CA13: variants seen among roughly 807,000 people sequenced by gnomAD.
CA13 encodes the protein carbonic anhydrase 13, also known as CA-XIII.
CA13 carries 21 observed loss-of-function variants against 31.5 expected under a neutral mutation model. The observed-to-expected ratio is 0.67, with a 90% CI of 0.47 to 0.96. The LOEUF (loss-of-function observed/expected upper bound fraction) is 0.96. Among genes scored for constraint, CA13 ranks in the 40% least tolerant of loss-of-function variants. The pLI, the probability that CA13 is intolerant of heterozygous loss-of-function variation, is 0.00. For synonymous variants in CA13, 117 were observed against 111.4 expected (o/e 1.05, Z -0.32); for missense variants, 315 against 318.9 (o/e 0.99, Z 0.09).
chr8:85,247,893 T>C (rs374627630), intron 1 of CA13, among the ~76,000 whole-genome samples: 150 of 118,094 alleles, frequency 1.3e-3, no homozygotes, highest in Middle Eastern at 3.7e-3. Context: ...TTTTTTGTTT[T>C]TTTTTTTTTT....
chr8:85,281,255 G>A lies in CA13; in HGVS notation c.695G>A (p.Cys232Tyr), dbSNP rs780384143. The A allele has an allele frequency of 4.3e-6, 7 of 1,614,000 alleles. No homozygotes were observed. The South Asian group carries it at 6.6e-5, about 15-fold the overall frequency. Residue 232 changes from cysteine to tyrosine, a missense_variant, in exon 7 of 7, where the codon TGC becomes TAC. Transcript: ENST00000321764. The stretch of plus-strand genomic sequence containing the variant: ...CTGGCCAAATTTCGCAGTCTCCTGT[G>A]CACAGCGGAGGGTGAAGCAGCAGCT... ...QQLAKFRSLL[C>Y]TAEGEAAAFL...
At position 85,245,720 on chromosome 8, in the gene CA13, C is replaced by T; in HGVS notation, c.-109C>T. ...GTTCACGGTCTCGCACTCCTGCCGC[C>T]GGCGCCCCGCGGTCCCGCCCTAGCA... is the stretch of plus-strand genomic sequence containing the variant. On this transcript the variant is annotated 5_prime_UTR_variant, in exon 1 of 7. Transcript: ENST00000321764. 1.5e-6 allele frequency: 2 copies of T among 1,294,938 alleles called. No homozygotes were observed. The highest frequency in any genetic ancestry group is 2.2e-6 in the Non-Finnish European group (2 of 900,264). 80.2% of individuals were successfully genotyped at this position (1,294,938 alleles called of 1,614,324 possible). A position where few individuals can be genotyped will look rare whatever the true frequency, so the allele number is the denominator to read the frequency against.
At chr8:85,273,649 C>T (rs1035654889) in intron 6 of CA13, among the ~76,000 whole-genome samples, 8 of 151,920 alleles carry the variant, frequency 5.3e-5, no homozygotes, top group Non-Finnish European at 1.2e-4. Flanking sequence ...GGAGGCCATC[C>T]GGGTACTATG....
At chr8:85,277,013 G>A (rs1216919745) in intron 6 of CA13, among the ~76,000 whole-genome samples, 2 of 152,144 alleles carry the variant, frequency 1.3e-5, no homozygotes, top group Non-Finnish European at 2.9e-5. Flanking sequence ...TCTAGCTCAG[G>A]GATTGTAAAC....
chr8:85,252,398 T>A (rs1302193205), intron 2 of CA13, among the ~76,000 whole-genome samples: 2 of 151,360 alleles, frequency 1.3e-5, no homozygotes, highest in African/African-American at 4.9e-5. Flanking sequence ...AAAATAAATA[T>A]ATGAAACTTT....
chr8:85,266,567 C>CT, intron 3 of CA13, 41 bp from the exon 4 acceptor site: 2 of 1,471,680 alleles, frequency 1.4e-6, no homozygotes, highest in Non-Finnish European at 1.9e-6. Context: ...TTCAGGATGT[C>CT]TAACAAAACA....
Position 85,281,515 on chromosome 8 carries a change from T to A in CA13, c.*166T>A. Reference sequence around the variant, plus strand: ...AGAAAACCAGATCTCTCTCTCTTTTTTTTTTATTTTTTTTAGTGATAGAGT... The same window carrying A: ...AGAAAACCAGATCTCTCTCTCTTTTATTTTTATTTTTTTTAGTGATAGAGT... On this transcript the variant is annotated 3_prime_UTR_variant, in exon 7 of 7. Transcript: ENST00000321764. 7.5e-7 allele frequency: 1 copy of A among 1,327,938 alleles called. No homozygotes were observed. Among genetic ancestry groups the A allele is most frequent in the Non-Finnish European group, 9.7e-7 (1 of 1,031,686 alleles). The allele number at this position is 1,327,938 out of a possible 1,614,324, so 82.3% of individuals were successfully genotyped here.
Position 85,283,218 on chromosome 8 carries a change from C to T in CA13, c.*1869C>T, listed in dbSNP as rs1215440573. The T allele has an allele frequency of 6.6e-6, 1 of 152,196 alleles. No individual in the cohort carries two copies. Among genetic ancestry groups the T allele is most frequent in the Non-Finnish European group, 1.5e-5 (1 of 68,048 alleles). 9.4% of individuals were successfully genotyped at this position (152,196 alleles called of 1,614,324 possible). On this transcript the variant is annotated 3_prime_UTR_variant, in exon 7 of 7. Transcript: ENST00000321764. ...GAATTACAGTTGTGAGCCACCACAC[C>T]TGGCTTGAATGTAGATTTTAATAAT...
chr8:85,264,787 T>A (rs1325913702), intron 3 of CA13, among the ~76,000 whole-genome samples: 4 of 152,230 alleles, frequency 2.6e-5, no homozygotes, highest in Non-Finnish European at 5.9e-5. Flanking sequence ...AATTTTAACA[T>A]CCTTATCAGC....
At chr8:85,273,953 T>A (rs968809443) in intron 6 of CA13, among the ~76,000 whole-genome samples, 2 of 151,872 alleles carry the variant, frequency 1.3e-5, no homozygotes, top group African/African-American at 4.8e-5. Flanking sequence ...ACAAGAAGTG[T>A]CTCAGTCTGA....
intron 3 of CA13, among the ~76,000 whole-genome samples, chr8:85,265,298 T>G (rs1206721230): frequency 1.3e-5 from 2 of 152,218 alleles, no homozygotes; most frequent in African/African-American, 4.8e-5. Context: ...CTAAATGTTT[T>G]AGGCATGTCG....
At chr8:85,251,424 C>G (rs1363875646) in intron 2 of CA13, among the ~76,000 whole-genome samples, 2 of 152,038 alleles carry the variant, frequency 1.3e-5, no homozygotes, top group African/African-American at 4.8e-5. Context: ...ATAATCTTAC[C>G]TTAAAATAAT....
intron 3 of CA13, among the ~76,000 whole-genome samples, chr8:85,261,295 G>A (rs922562129): frequency 1.9e-4 from 29 of 152,108 alleles, no homozygotes; most frequent in African/African-American, 6.0e-4. Context: ...GGAGACCTTG[G>A]AGACTCAATT....
At position 85,278,165 on chromosome 8, in the gene CA13, C is replaced by CT. The variant is rs1473931269; in HGVS notation, c.670-3064dup. On this transcript the variant is annotated intron_variant, in intron 6 of 6. Coordinates refer to ENST00000321764, the MANE Select transcript of CA13 (RefSeq NM_198584.3). ...TATATAACCTCAGCTACTCCGGAGGCTGAGGCATGAGAATTGCTTGAACCC... is the reference window on the plus strand; with the variant it reads ...TATATAACCTCAGCTACTCCGGAGGCTTGAGGCATGAGAATTGCTTGAACCC... Among the ~76,000 whole-genome samples the CT allele has an allele frequency of 2.0e-5, 3 of 148,688 alleles. 1 individual carries two copies.
chr8:85,250,997 T>TAA, intron 2 of CA13, 60 bp downstream of exon 2: 1 of 1,121,484 alleles, frequency 8.9e-7, no homozygotes, highest in Non-Finnish European at 1.3e-6. Flanking sequence ...GATTAGACTA[T>TAA]ACTCTTTTTT....
At chr8:85,259,000 T>C (rs1335254445) in intron 2 of CA13, among the ~76,000 whole-genome samples, 1 of 151,918 alleles carries the variant, frequency 6.6e-6, no homozygotes, top group Non-Finnish European at 1.5e-5. Context: ...AGTGTAGGCC[T>C]TCTAACTGCT....
chr8:85,256,733 G>T (rs1169635848), intron 2 of CA13, among the ~76,000 whole-genome samples: 1 of 152,116 alleles, frequency 6.6e-6, no homozygotes, highest in African/African-American at 2.4e-5. Context: ...ACTAGACTAA[G>T]TTTCTTAAGG....
intron 4 of CA13, 103 bp from the exon 5 acceptor site, chr8:85,267,799 C>T: frequency 3.0e-6 from 2 of 667,274 alleles, no homozygotes; most frequent in Non-Finnish European, 5.1e-6. Flanking sequence ...TCTGTGCTGG[C>T]TAAGGTTTTT....
intron 1 of CA13, among the ~76,000 whole-genome samples, chr8:85,247,156 T>C (rs778835892): frequency 2.6e-5 from 4 of 152,188 alleles, no homozygotes; most frequent in Non-Finnish European, 2.9e-5. Context: ...CCAGTGAATG[T>C]TTAGGGGGAA....
Sources: gnomAD v4.1 joint callset for allele counts (sites outside exome capture counted in the v4.1 genomes callset) on GRCh38, gnomAD v4.1.1 for gene constraint, MANE v1.5 for transcripts, NCBI Gene and HGNC (gene_info 2026-07-23, HGNC 2026-07-21) for gene names.